NRG1: variants seen among roughly 807,000 people sequenced by gnomAD.
The protein encoded by NRG1 is pro-neuregulin-1, membrane-bound isoform.
In NRG1, 18 loss-of-function variants were observed where a neutral mutation model predicts 63.8. The observed-to-expected ratio is 0.28, with a 90% CI of 0.19 to 0.42. The LOEUF (loss-of-function observed/expected upper bound fraction) is 0.42, where lower values mean the gene tolerates loss of function less well. NRG1 is among the 10% of genes least tolerant of loss of function. NRG1 has a pLI of 1.00. For synonymous variants in NRG1, 302 were observed against 301.3 expected (o/e 1.00, Z -0.02); for missense variants, 762 against 814.7 (o/e 0.94, Z 0.79).
intron 1 of NRG1, among the ~76,000 whole-genome samples, chr8:31,943,728 G>T (rs999450401): frequency 6.6e-6 from 1 of 152,078 alleles, no homozygotes; most frequent in African/African-American, 2.4e-5. Flanking sequence ...CAGCTAACTA[G>T]ATTCCATGAA....
At chr8:31,839,910 A>G (rs926064996) in intron 1 of NRG1, among the ~76,000 whole-genome samples, 3 of 152,138 alleles carry the variant, frequency 2.0e-5, no homozygotes, top group Non-Finnish European at 4.4e-5. Flanking sequence ...AGAGGGGGCC[A>G]GGAGGAAAAG....
intron 1 of NRG1, among the ~76,000 whole-genome samples, chr8:31,946,252 T>C (rs192972745): frequency 6.6e-6 from 1 of 152,348 alleles, no homozygotes; most frequent in South Asian, 2.1e-4. Context: ...TATGTAACAA[T>C]GTGTGTGCCC....
intron 1 of NRG1, among the ~76,000 whole-genome samples, chr8:32,102,937 T>C (rs920707409): frequency 1.3e-5 from 2 of 152,176 alleles, no homozygotes; most frequent in African/African-American, 2.4e-5. Context: ...GTGTCTATAT[T>C]TATGGGGTAT....
chr8:32,423,667 AT>A (rs1456283926), intron 1 of NRG1, among the ~76,000 whole-genome samples: 2 of 152,098 alleles, frequency 1.3e-5, no homozygotes, highest in African/African-American at 4.8e-5. Context: ...ATAATAAATA[AT>A]AAAAGTCACA....
chr8:32,316,204 G>T (rs144980537), intron 1 of NRG1, among the ~76,000 whole-genome samples: 1 of 152,164 alleles, frequency 6.6e-6, no homozygotes, highest in Non-Finnish European at 1.5e-5. Context: ...GGGACCGGGC[G>T]CGGTGGCTCA....
At chr8:32,436,879 T>G (rs1363660540) in intron 1 of NRG1, among the ~76,000 whole-genome samples, 1 of 134,568 alleles carries the variant, frequency 7.4e-6, no homozygotes, top group Non-Finnish European at 1.6e-5. Context: ...TTTTACATGG[T>G]CAAGTATACA....
chr8:32,730,767 A>G (rs1303446306), intron 6 of NRG1, among the ~76,000 whole-genome samples: 1 of 152,282 alleles, frequency 6.6e-6, no homozygotes, highest in East Asian at 1.9e-4. Context: ...AAATGCCAGA[A>G]GCTGAGAATT....
intron 1 of NRG1, among the ~76,000 whole-genome samples, chr8:31,799,528 C>T (rs1821547193): frequency 1.3e-5 from 2 of 152,104 alleles, no homozygotes; most frequent in South Asian, 4.1e-4. Context: ...TGATTCCAAC[C>T]AGTTAACATG....
chr8:32,275,800 C>T (rs1791579570), intron 1 of NRG1, among the ~76,000 whole-genome samples: 1 of 152,014 alleles, frequency 6.6e-6, no homozygotes, highest in Non-Finnish European at 1.5e-5. Flanking sequence ...CCTACCATGC[C>T]CCCAGATGAT....
chr8:32,526,504 A>G (rs945355735), intron 1 of NRG1, among the ~76,000 whole-genome samples: 2 of 152,182 alleles, frequency 1.3e-5, no homozygotes, highest in African/African-American at 4.8e-5. Context: ...AAGTGAGGAG[A>G]TTATACAAGG....
intron 1 of NRG1, among the ~76,000 whole-genome samples, chr8:32,304,205 C>T (rs1327683261): frequency 6.6e-6 from 1 of 152,166 alleles, no homozygotes; most frequent in Non-Finnish European, 1.5e-5. Context: ...GTTTTAAAAT[C>T]ATCTAGAAAT....
At chr8:32,695,256 G>A (rs897362009) in intron 5 of NRG1, among the ~76,000 whole-genome samples, 3 of 152,094 alleles carry the variant, frequency 2.0e-5, no homozygotes, top group East Asian at 1.9e-4. Context: ...CAGAAGAATC[G>A]CTTGGACCTG....
intron 1 of NRG1, among the ~76,000 whole-genome samples, chr8:32,021,844 T>G (rs532613056): frequency 4.6e-5 from 7 of 152,212 alleles, no homozygotes; most frequent in African/African-American, 1.7e-4. Flanking sequence ...TTGCACAACA[T>G]AGTGAAAATA....
At chr8:32,467,871 C>T (rs189373449) in intron 1 of NRG1, among the ~76,000 whole-genome samples, 122 of 152,308 alleles carry the variant, frequency 8.0e-4, no homozygotes, top group African/African-American at 2.9e-3. Context: ...CTTTTCAGGA[C>T]TGTTGATTGT....
chr8:31,997,410 G>A (rs960705488), intron 1 of NRG1, among the ~76,000 whole-genome samples: 3 of 151,748 alleles, frequency 2.0e-5, no homozygotes, highest in African/African-American at 7.3e-5. Context: ...TAGGCAATAG[G>A]GTGCAAATGT....
chr8:32,028,681 C>T (rs1057248796), intron 1 of NRG1, among the ~76,000 whole-genome samples: 2 of 152,084 alleles, frequency 1.3e-5, no homozygotes, highest in Non-Finnish European at 2.9e-5. Flanking sequence ...AAATTAATAA[C>T]TATAGATTTT....
chr8:32,742,574 G>C lies in NRG1; in HGVS notation c.633-101G>C. On this transcript the variant is annotated intron_variant, in intron 6 of 11. Coordinates refer to ENST00000356819, the Ensembl canonical transcript of NRG1. This position sits in a 1 kb window ranked among gnomAD's most constrained non-coding sequence, Gnocchi z 4.2. Reference sequence around the variant, plus strand: ...CAGTTCCTGAGGGTGAACTCACCAAGTTTCAGTCAAATGACACTGAAGGAG... The same window carrying C: ...CAGTTCCTGAGGGTGAACTCACCAACTTTCAGTCAAATGACACTGAAGGAG... The C allele has an allele frequency of 9.1e-7, 1 of 1,100,220 alleles. No individual in the cohort carries two copies. The highest frequency in any genetic ancestry group is 1.3e-6 in the Non-Finnish European group (1 of 740,890). The allele number at this position is 1,100,220 out of a possible 1,614,324, so 68.2% of individuals were successfully genotyped here.
intron 1 of NRG1, among the ~76,000 whole-genome samples, chr8:32,089,809 A>G (rs1023950747): frequency 6.6e-6 from 1 of 152,194 alleles, no homozygotes; most frequent in African/African-American, 2.4e-5. Flanking sequence ...AAAGAGAAAG[A>G]AAAAAAGAAC....
chr8:32,426,791 A>G (rs887338688), intron 1 of NRG1, among the ~76,000 whole-genome samples: 2 of 152,202 alleles, frequency 1.3e-5, no homozygotes, highest in Non-Finnish European at 1.5e-5. Flanking sequence ...TGACATTGCT[A>G]TGCTCTGACA....
Sources: gnomAD v4.1 joint callset for allele counts (sites outside exome capture counted in the v4.1 genomes callset) on GRCh38, gnomAD v4.1.1 for gene constraint, Gnocchi (gnomAD v3.1) non-coding constraint, MANE v1.5 for transcripts, NCBI Gene and HGNC (gene_info 2026-07-23, HGNC 2026-07-21) for gene names.